Variants in WDFY3 observed in about 807,000 individuals in gnomAD.
WDFY3 encodes the protein WD repeat and FYVE domain-containing protein 3.
In WDFY3, 66 loss-of-function variants were observed where a neutral mutation model predicts 409.6. That is an observed-to-expected ratio of 0.16 (90% CI 0.13 to 0.20). The LOEUF (loss-of-function observed/expected upper bound fraction) is 0.20. WDFY3 is among the 10% of genes least tolerant of loss of function. The pLI is 1.00. For missense variants in WDFY3, 3,031 were observed against 4,298.1 expected, an observed-to-expected ratio of 0.71 and a Z score of 8.24; for synonymous variants, 1,521 against 1,537.1, an observed-to-expected ratio of 0.99 and a Z score of 0.25.
chr4:84,797,489 C>T (rs1749659664), intron 18 of WDFY3, among the ~76,000 whole-genome samples: 1 of 152,030 alleles, frequency 6.6e-6, no homozygotes, highest in East Asian at 1.9e-4. Context: ...AAAGATATTT[C>T]AAATATTCTC....
chr4:84,952,125 A>G (rs1489754078), intron 1 of WDFY3, among the ~76,000 whole-genome samples: 1 of 152,194 alleles, frequency 6.6e-6, no homozygotes, highest in Admixed American at 6.5e-5. Context: ...TATCAGTGGT[A>G]GTAGTGGCCT....
intron 1 of WDFY3, among the ~76,000 whole-genome samples, chr4:84,961,740 G>A (rs1249019563): frequency 1.3e-5 from 2 of 151,990 alleles, no homozygotes; most frequent in African/African-American, 2.4e-5. Flanking sequence ...AAATTTAAAG[G>A]AGATCACTAC....
intron 9 of WDFY3, among the ~76,000 whole-genome samples, 187 bp from the exon 10 acceptor site, chr4:84,827,168 G>A (rs1266258249): frequency 6.6e-6 from 1 of 151,180 alleles, no homozygotes; most frequent in East Asian, 1.9e-4. Context: ...CACAAAATGG[G>A]TTGCAACAAA....
At chr4:84,925,112 C>A (rs1023222913) in intron 2 of WDFY3, among the ~76,000 whole-genome samples, 1 of 152,168 alleles carries the variant, frequency 6.6e-6, no homozygotes, top group Admixed American at 6.5e-5. Context: ...GTGCTGAGGA[C>A]TGTGATTTCC....
At chr4:84,868,709 A>G (rs780024783) in intron 3 of WDFY3, among the ~76,000 whole-genome samples, 4 of 152,174 alleles carry the variant, frequency 2.6e-5, no homozygotes, top group Non-Finnish European at 5.9e-5. Flanking sequence ...AACTGTTGAA[A>G]TCTCCCTGCT....
chr4:84,771,214 A>G (rs1423108963), intron 30 of WDFY3, among the ~76,000 whole-genome samples: 2 of 152,130 alleles, frequency 1.3e-5, no homozygotes, highest in Admixed American at 1.3e-4. Context: ...ACAATTCACT[A>G]CAGCCTCAGC....
chr4:84,679,821 C>CATATATATATATATATAT (rs370117920), intron 64 of WDFY3, among the ~76,000 whole-genome samples: 4 of 144,062 alleles, frequency 2.8e-5, no homozygotes, highest in African/African-American at 1.0e-4. Flanking sequence ...GGATATTCTT[C>CATATATATATATATATAT]ATATATATAT....
chr4:84,964,039 T>C (rs1245919150), intron 1 of WDFY3, among the ~76,000 whole-genome samples: 5 of 152,256 alleles, frequency 3.3e-5, no homozygotes, highest in Non-Finnish European at 5.9e-5. Context: ...TAGAAGTTCA[T>C]AATCTTTTAC....
chr4:84,852,133 A>C (rs1759114536), intron 4 of WDFY3, among the ~76,000 whole-genome samples: 1 of 152,174 alleles, frequency 6.6e-6, no homozygotes, highest in African/African-American at 2.4e-5. Flanking sequence ...GCCATTATTA[A>C]GGAAAATAGA....
chr4:84,941,709 A>C (rs1772154814), intron 1 of WDFY3, among the ~76,000 whole-genome samples: 1 of 152,158 alleles, frequency 6.6e-6, no homozygotes, highest in Admixed American at 6.5e-5. Context: ...AAAGAAATCA[A>C]GAATAGTCAA....
intron 55 of WDFY3, among the ~76,000 whole-genome samples, chr4:84,703,347 C>T (rs1264022547): frequency 2.0e-5 from 3 of 152,158 alleles, no homozygotes. Context: ...ACTACGCAGC[C>T]TCACAGGTAC....
intron 2 of WDFY3, among the ~76,000 whole-genome samples, chr4:84,900,956 T>C (rs1766262103): frequency 6.6e-6 from 1 of 152,220 alleles, no homozygotes; most frequent in South Asian, 2.1e-4. Context: ...TCCTCATGGA[T>C]CTGTAGGCTG....
intron 36 of WDFY3, among the ~76,000 whole-genome samples, chr4:84,744,018 T>C (rs1012889268): frequency 2.7e-5 from 4 of 150,266 alleles, no homozygotes; most frequent in Non-Finnish European, 5.9e-5. Flanking sequence ...TGAAACATCA[T>C]CTTCTTTTGA....
chr4:84,735,207 T>A, intron 42 of WDFY3, 87 bp from the exon 43 acceptor site: 1 of 1,222,334 alleles, frequency 8.2e-7, no homozygotes. Context: ...TGCTAAATAA[T>A]TGGTTAAAAT....
At chr4:84,874,565 C>G (rs539814624) in intron 3 of WDFY3, among the ~76,000 whole-genome samples, 1 of 152,284 alleles carries the variant, frequency 6.6e-6, no homozygotes, top group African/African-American at 2.4e-5. Flanking sequence ...TTCTGCCACA[C>G]TGAAAGTATC....
intron 2 of WDFY3, among the ~76,000 whole-genome samples, chr4:84,929,867 C>T (rs1770523607): frequency 6.6e-6 from 1 of 151,616 alleles, no homozygotes; most frequent in African/African-American, 2.4e-5. Flanking sequence ...GTCAAGGTCG[C>T]ACCACTGCAC....
intron 3 of WDFY3, among the ~76,000 whole-genome samples, chr4:84,892,914 A>G (rs1175978616): frequency 6.6e-6 from 1 of 152,392 alleles, no homozygotes; most frequent in East Asian, 1.9e-4. Flanking sequence ...AGAAGTTCAC[A>G]GCAGAACAGA....
chr4:84,678,823 G>C, intron 65 of WDFY3, 96 bp downstream of exon 65: 2 of 1,366,556 alleles, frequency 1.5e-6, no homozygotes, highest in Non-Finnish European at 2.0e-6. Context: ...GCACATCCAG[G>C]GTGGGGCCCA....
chr4:84,700,666 G>C (rs1730934294), intron 56 of WDFY3, among the ~76,000 whole-genome samples: 1 of 152,210 alleles, frequency 6.6e-6, no homozygotes, highest in East Asian at 1.9e-4. Flanking sequence ...TTGCAACATG[G>C]ATTATCATAA....
Sources: allele counts gnomAD v4.1 joint callset (sites outside exome capture counted in the v4.1 genomes callset), GRCh38; gene constraint gnomAD v4.1.1; transcripts MANE v1.5; gene names NCBI Gene and HGNC (gene_info 2026-07-23, HGNC 2026-07-21).